The following LRRC4C variants were observed in gnomAD, a reference collection of about 807,000 sequenced individuals.
LRRC4C encodes leucine-rich repeat-containing protein 4C.
In LRRC4C, 5 loss-of-function variants were observed where a neutral mutation model predicts 33.6. The observed-to-expected ratio is 0.15, with a 90% CI of 0.08 to 0.31. LRRC4C has a LOEUF of 0.31. Ranked by LOEUF, LRRC4C falls within the 10% of genes least tolerant of loss-of-function variation. The pLI is 1.00. For synonymous variants in LRRC4C, 329 were observed against 302.0 expected, an observed-to-expected ratio of 1.09 and a Z score of -0.93; for missense variants, 560 against 796.7, an observed-to-expected ratio of 0.70 and a Z score of 3.58.
At chr11:41,154,012 C>G (rs1177127648) in intron 1 of LRRC4C, among the ~76,000 whole-genome samples, 1 of 152,132 alleles carries the variant, frequency 6.6e-6, no homozygotes, top group Non-Finnish European at 1.5e-5. Context: ...AAGATGCACG[C>G]TGTAAGGAAT....
chr11:40,656,212 T>A (rs971513556), intron 2 of LRRC4C, among the ~76,000 whole-genome samples: 3 of 147,038 alleles, frequency 2.0e-5, no homozygotes, highest in African/African-American at 7.3e-5. Context: ...GATTCCGTAC[T>A]GTTTTTCTTT....
chr11:40,788,966 G>A (rs1027511281), intron 2 of LRRC4C, among the ~76,000 whole-genome samples: 1 of 151,980 alleles, frequency 6.6e-6, no homozygotes, highest in East Asian at 1.9e-4. Context: ...GGTAGCGGGC[G>A]CCTGTAGTCC....
intron 3 of LRRC4C, among the ~76,000 whole-genome samples, chr11:40,521,479 A>G (rs951519021): frequency 2.0e-5 from 3 of 152,308 alleles, no homozygotes; most frequent in South Asian, 2.1e-4. Flanking sequence ...TTATTTGTCC[A>G]TTCATTCAAA....
intron 1 of LRRC4C, among the ~76,000 whole-genome samples, chr11:41,006,744 C>G (rs191845943): frequency 6.0e-4 from 92 of 152,174 alleles, no homozygotes; most frequent in Non-Finnish European, 1.0e-3. Flanking sequence ...AAAGAAAAAG[C>G]TTCAAGGATT....
intron 2 of LRRC4C, among the ~76,000 whole-genome samples, chr11:40,845,399 T>C (rs552669989): frequency 6.6e-6 from 1 of 152,294 alleles, no homozygotes; most frequent in East Asian, 1.9e-4. Flanking sequence ...AGCGAGAACC[T>C]GATTGCCCTG....
intron 3 of LRRC4C, among the ~76,000 whole-genome samples, chr11:40,537,395 G>A (rs1956519714): frequency 6.6e-6 from 1 of 152,094 alleles, no homozygotes; most frequent in African/African-American, 2.4e-5. Context: ...AAGCTGTTAA[G>A]GCTGAATTTG....
At chr11:40,352,102 CCTTTCTTT>C (rs1161134404) in intron 3 of LRRC4C, among the ~76,000 whole-genome samples, 1 of 126,506 alleles carries the variant, frequency 7.9e-6, no homozygotes, top group South Asian at 2.6e-4. Flanking sequence ...TTCCTTTTTT[CCTTTCTTT>C]CTTCCTTCCT....
chr11:40,443,441 T>C (rs1951485023), intron 3 of LRRC4C, among the ~76,000 whole-genome samples: 1 of 152,228 alleles, frequency 6.6e-6, no homozygotes, highest in Non-Finnish European at 1.5e-5. Context: ...TGCAGAGTGA[T>C]GTCAAAGACG....
At chr11:40,620,094 G>A (rs1365268164) in intron 3 of LRRC4C, among the ~76,000 whole-genome samples, 1 of 149,800 alleles carries the variant, frequency 6.7e-6, no homozygotes, top group African/African-American at 2.4e-5. Context: ...CGAGCTGAGA[G>A]CTGAGCTGAT....
chr11:40,900,536 T>C (rs1956155834), intron 2 of LRRC4C, among the ~76,000 whole-genome samples: 1 of 152,108 alleles, frequency 6.6e-6, no homozygotes, highest in Non-Finnish European at 1.5e-5. Flanking sequence ...TGTTAAATCA[T>C]GGTTTCATGC....
At chr11:40,491,994 T>A (rs925183402) in intron 3 of LRRC4C, among the ~76,000 whole-genome samples, 1 of 152,188 alleles carries the variant, frequency 6.6e-6, no homozygotes, top group Admixed American at 6.6e-5. Context: ...GATAGCTTTA[T>A]ATTTTGAATT....
chr11:41,396,371 G>C (rs977032835), intron 1 of LRRC4C, among the ~76,000 whole-genome samples: 3 of 151,970 alleles, frequency 2.0e-5, no homozygotes, highest in Non-Finnish European at 4.4e-5. Flanking sequence ...AATTTTCAAT[G>C]CTAAATTAAA....
chr11:40,945,309 C>A (rs10837531), intron 1 of LRRC4C, among the ~76,000 whole-genome samples: 4 of 151,684 alleles, frequency 2.6e-5, no homozygotes, highest in Non-Finnish European at 5.9e-5. Context: ...CTTGAGCCAC[C>A]GTGCCCGGGC....
chr11:40,353,878 A>C (rs1311726448), intron 3 of LRRC4C, among the ~76,000 whole-genome samples: 1 of 152,126 alleles, frequency 6.6e-6, no homozygotes. Flanking sequence ...CAGTGAGGTC[A>C]TGTTTTCCTG....
intron 3 of LRRC4C, among the ~76,000 whole-genome samples, chr11:40,457,654 A>C (rs537033346): frequency 3.9e-5 from 6 of 152,276 alleles, no homozygotes; most frequent in East Asian, 1.9e-4. Context: ...CTGCCAGAGA[A>C]TCACCAAATA....
chr11:40,265,977 C>T (rs1252173823), intron 4 of LRRC4C, among the ~76,000 whole-genome samples: 1 of 152,160 alleles, frequency 6.6e-6, no homozygotes, highest in Non-Finnish European at 1.5e-5. Context: ...AAACGTGCAG[C>T]ACATTTTCCA....
rs752230204 is a variant in LRRC4C, at chr11:40,115,013, A to G, written c.1280T>C (p.Met427Thr). 5 of 1,614,128 alleles carry G rather than the reference A, an allele frequency of 3.1e-6. No individual in the cohort carries two copies. Among genetic ancestry groups the G allele is most frequent in the Admixed American group, 1.7e-5 (1 of 60,006 alleles). ...AGTATTCCCAACGGAATTACTCACC[A>G]TACATGTGTACATGCCTGTATCTTG... is the stretch of plus-strand genomic sequence containing the variant. ...TVQDTGMYTC[M>T]VSNSVGNTTA... Residue 427 changes from methionine (M) to threonine (T), a missense_variant, in exon 7 of 7, where the codon ATG (methionine) becomes ACG (threonine). Transcript: ENST00000528697. The surrounding 1 kb of genome is among the most constrained non-coding windows in gnomAD (Gnocchi z 6.7).
chr11:41,189,990 G>GT (rs1376863662), intron 1 of LRRC4C, among the ~76,000 whole-genome samples: 1 of 152,298 alleles, frequency 6.6e-6, no homozygotes, highest in South Asian at 2.1e-4. Flanking sequence ...TAGTTAAGCA[G>GT]TTTTTGTGTC....
In LRRC4C at chr11:40,960,512, T is replaced by A. The variant is rs1434224310; in HGVS notation, c.-495-26789A>T. 3.3e-5 allele frequency among the ~76,000 whole-genome samples: 5 copies of A among 151,844 alleles called. No homozygotes were observed. In the South Asian group the frequency reaches 8.3e-4, roughly 25 times the overall value. ...TGGGAAAGCCCATGGGTTATTATTT[T>A]ATGGGACTGAGAACATAGTGTGACC... On this transcript the variant is annotated intron_variant, in intron 1 of 6. Coordinates refer to ENST00000528697, the MANE Select transcript of LRRC4C (RefSeq NM_001258419.2).
Sources: allele counts gnomAD v4.1 joint callset (sites outside exome capture counted in the v4.1 genomes callset), GRCh38; gene constraint gnomAD v4.1.1; non-coding constraint Gnocchi (gnomAD v3.1); transcripts MANE v1.5; gene names NCBI Gene and HGNC (gene_info 2026-07-23, HGNC 2026-07-21).